Variants in TSPAN15 observed in about 807,000 individuals in gnomAD.
TSPAN15 encodes the protein tetraspanin 15.
TSPAN15 carries 20 observed loss-of-function variants against 34.5 expected under a neutral mutation model. The ratio of observed to expected loss-of-function variants is 0.58; its 90% CI spans 0.41 to 0.84. The LOEUF is 0.84. Among genes scored for constraint, TSPAN15 ranks in the 40% least tolerant of loss-of-function variants. The probability of loss-of-function intolerance (pLI) is 0.00; values close to 1 mark genes in which losing one functional copy is unlikely to be tolerated. For synonymous variants in TSPAN15, 155 were observed against 153.9 expected (o/e 1.01, Z -0.05); for missense variants, 313 against 386.1 (o/e 0.81, Z 1.59).
chr10:69,496,222 C>T (rs567295868), intron 4 of TSPAN15, among the ~76,000 whole-genome samples: 2 of 151,974 alleles, frequency 1.3e-5, no homozygotes, highest in South Asian at 4.2e-4. Flanking sequence ...GAACCAGACG[C>T]CTCTCTTACT....
chr10:69,537,190 G>A, the TSPAN15 span, among the ~76,000 whole-genome samples: 3 of 152,094 alleles, frequency 2.0e-5, no homozygotes, highest in African/African-American at 4.8e-5. Flanking sequence ...ATAAAGTCAG[G>A]ACCAGGCTGC....
intron 3 of TSPAN15, chr10:69,495,013 TGAG>T (rs961449573): frequency 2.3e-5 from 8 of 352,910 alleles, no homozygotes; most frequent in African/African-American, 1.3e-4. Context: ...GCTGCAGTGA[TGAG>T]GAGAACAGCC....
the TSPAN15 span, among the ~76,000 whole-genome samples, chr10:69,535,610 T>C: frequency 5.3e-5 from 8 of 152,202 alleles, no homozygotes; most frequent in Admixed American, 2.6e-4. Flanking sequence ...AAATAGAATA[T>C]CTGGTGTGAT....
the TSPAN15 span, among the ~76,000 whole-genome samples, chr10:69,524,783 CT>C: frequency 0.074 from 10,065 of 136,902 alleles, 996 homozygotes; most frequent in South Asian, 0.14. Context: ...ATATATGCAT[CT>C]TTTTTTTTTT....
intron 1 of TSPAN15, among the ~76,000 whole-genome samples, chr10:69,459,920 AC>A (rs34284537): frequency 0.012 from 1,293 of 108,020 alleles, 52 homozygotes; most frequent in East Asian, 0.06. Flanking sequence ...GACTCTAGGC[AC>A]CCCCCCCCCA....
rs113643993 is a variant in TSPAN15 at position 69,503,956 on chromosome 10, A to G, written c.571-482A>G. On this transcript the variant is annotated intron_variant, in intron 5 of 7. Coordinates refer to ENST00000373290, the MANE Select transcript of TSPAN15 (RefSeq NM_012339.5). ...TGGCAGCACTCTCCGCTGGTGGAGC[A>G]GTGGTCTATGGAACGGAAGCATGGC... Among the ~76,000 whole-genome samples, 285 of 152,316 alleles carry G rather than the reference A, an allele frequency of 1.9e-3. 2 individuals are homozygous for G. Among genetic ancestry groups the G allele is most frequent in the African/African-American group, 6.3e-3 (261 of 41,576 alleles).
At chr10:69,460,099 GCTCCTTTGC>G (rs1310144397) in intron 1 of TSPAN15, among the ~76,000 whole-genome samples, 1 of 151,990 alleles carries the variant, frequency 6.6e-6, no homozygotes, top group Non-Finnish European at 1.5e-5. Flanking sequence ...GTCAGAGGAG[GCTCCTTTGC>G]CCCTGGGGGT....
chr10:69,480,720 CAG>C (rs1378280279), intron 1 of TSPAN15, among the ~76,000 whole-genome samples: 1 of 152,020 alleles, frequency 6.6e-6, no homozygotes, highest in African/African-American at 2.4e-5. Flanking sequence ...TTTTTTGAGA[CAG>C]AGTCTTGCTC....
At chr10:69,454,991 C>T (rs374161465) in intron 1 of TSPAN15, among the ~76,000 whole-genome samples, 31 of 151,344 alleles carry the variant, frequency 2.0e-4, no homozygotes, top group Middle Eastern at 6.9e-3. Flanking sequence ...GGCGGAACCC[C>T]GTCTTTACTA....
chr10:69,526,274 G>A, the TSPAN15 span, among the ~76,000 whole-genome samples: 4 of 146,678 alleles, frequency 2.7e-5, 1 homozygote, highest in Non-Finnish European at 4.5e-5. Context: ...TAAAAATATC[G>A]CAAATAGGTC....
chr10:69,491,525 G>A lies in TSPAN15; in HGVS notation c.358-4069G>A, dbSNP rs1360540336. Among the ~76,000 whole-genome samples the A allele has an allele frequency of 4.0e-4, 9 of 22,228 alleles. No individual in the cohort carries two copies. In the South Asian group the frequency reaches 0.015, roughly 37 times the overall value. The allele number at this position is 22,228 out of a possible 152,430, so 14.6% of individuals were successfully genotyped here. The stretch of plus-strand genomic sequence containing the variant: ...CTACAGGTGCATGCCACCATGCCTG[G>A]ATAATTGTGTGTGTTTGTGTGTAGA... On this transcript the variant is annotated intron_variant, in intron 3 of 7. Coordinates refer to ENST00000373290, the MANE Select transcript of TSPAN15 (RefSeq NM_012339.5).
chr10:69,476,876 T>TA (rs1311861354), intron 1 of TSPAN15, among the ~76,000 whole-genome samples: 3 of 151,962 alleles, frequency 2.0e-5, no homozygotes, highest in African/African-American at 7.3e-5. Context: ...CCCCAGAACT[T>TA]AGAGTACCGC....
chr10:69,502,282 G>A (rs1321173118), intron 5 of TSPAN15, among the ~76,000 whole-genome samples: 1 of 152,148 alleles, frequency 6.6e-6, no homozygotes, highest in Non-Finnish European at 1.5e-5. Context: ...TATATCCCTC[G>A]GAGATGTTGG....
the TSPAN15 span, among the ~76,000 whole-genome samples, chr10:69,533,358 A>G: frequency 3.9e-5 from 6 of 152,246 alleles, no homozygotes. Context: ...AATTAATGGC[A>G]TTCACAGCAA....
At chr10:69,480,800 C>T (rs897183736) in intron 1 of TSPAN15, among the ~76,000 whole-genome samples, 3 of 152,130 alleles carry the variant, frequency 2.0e-5, no homozygotes, top group African/African-American at 7.2e-5. Context: ...CTGGTTCAGG[C>T]GATGCTCCTG....
At chr10:69,512,007 G>A (rs1285723265), downstream of TSPAN15, among the ~76,000 whole-genome samples, 1 of 152,146 alleles carries the variant, frequency 6.6e-6, no homozygotes, top group East Asian at 1.9e-4. Flanking sequence ...GTTGATGGGT[G>A]CGGCAAACCA....
intron 1 of TSPAN15, among the ~76,000 whole-genome samples, chr10:69,469,960 A>T (rs143959367): frequency 2.0e-5 from 3 of 152,196 alleles, no homozygotes; most frequent in Admixed American, 6.5e-5. Context: ...GAATCAAAGA[A>T]CTGTCTGATG....
the TSPAN15 span, among the ~76,000 whole-genome samples, chr10:69,533,760 A>G: frequency 6.6e-6 from 1 of 152,320 alleles, no homozygotes; most frequent in South Asian, 2.1e-4. Context: ...CACAGGTAAA[A>G]CAACCTAGGG....
intron 1 of TSPAN15, among the ~76,000 whole-genome samples, chr10:69,472,715 A>G (rs908747411): frequency 6.6e-6 from 1 of 152,172 alleles, no homozygotes; most frequent in African/African-American, 2.4e-5. Flanking sequence ...GTTACTGGGG[A>G]AGAAGTAACA....
Sources: allele counts gnomAD v4.1 joint callset (sites outside exome capture counted in the v4.1 genomes callset), GRCh38; gene constraint gnomAD v4.1.1; transcripts MANE v1.5; gene names NCBI Gene and HGNC (gene_info 2026-07-23, HGNC 2026-07-21).